The following PABPC4L variants were observed in gnomAD, a reference collection of about 807,000 sequenced individuals.
The protein encoded by PABPC4L is polyadenylate-binding protein 4-like.
For missense variants in PABPC4L, 452 were observed against 451.4 expected (o/e 1.00, Z -0.01); for synonymous variants, 169 against 164.1 (o/e 1.03, Z -0.23).
chr4:134,201,188 C>T lies in PABPC4L; in HGVS notation c.-169G>A, dbSNP rs1729869443. 2.6e-6 allele frequency: 4 copies of T among 1,547,226 alleles called. No homozygotes were observed. The highest frequency in any genetic ancestry group is 3.5e-6 in the Non-Finnish European group (4 of 1,145,394). On this transcript the variant is annotated 5_prime_UTR_variant, in exon 2 of 2. Coordinates refer to ENST00000421491, the MANE Select transcript of PABPC4L (RefSeq NM_001114734.2). ...ACGACTCCCCCAGCTCAGGCAACAC[C>T]CTCATCCAAAAGTCCCCACAGCCAC... is the stretch of plus-strand genomic sequence containing the variant.
Position 134,200,367 on chromosome 4 carries a change from CT to C in PABPC4L, c.652del (p.Ser218ValfsTer4). On this transcript the variant is annotated frameshift_variant, in exon 2 of 2. Coordinates refer to ENST00000421491, the MANE Select transcript of PABPC4L (RefSeq NM_001114734.2). LOFTEE classifies it low-confidence loss of function (END_TRUNC). Reference protein sequence around the residue: ...DVFSKYGKTLSVKVMTDSSGK... With the variant: ...DVFSKYGKTLXVKVMTDSSGK... Reference sequence around the variant, plus strand: ...ACTGGAATCTGTCATCACCTTAACACTCAGAGTTTTGCCATATTTGCTGAAA... The same window carrying C: ...ACTGGAATCTGTCATCACCTTAACACCAGAGTTTTGCCATATTTGCTGAAA... 1.3e-6 allele frequency: 2 copies of C among 1,587,670 alleles called. No homozygotes were observed. Among genetic ancestry groups the C allele is most frequent in the Non-Finnish European group, 1.7e-6 (2 of 1,165,456 alleles).
At chr4:134,128,697 G>A in the PABPC4L span, among the ~76,000 whole-genome samples, 1 of 151,806 alleles carries the variant, frequency 6.6e-6, no homozygotes, top group Non-Finnish European at 1.5e-5. Flanking sequence ...CAACAAACTA[G>A]AATCTTCTTA....
At chr4:134,078,252 A>G in the PABPC4L span, among the ~76,000 whole-genome samples, 2 of 152,192 alleles carry the variant, frequency 1.3e-5, 1 homozygote, top group African/African-American at 4.8e-5. Context: ...AAGGCATAAC[A>G]TATTCCCTGA....
chr4:133,998,540 T>A, the PABPC4L span, among the ~76,000 whole-genome samples: 1 of 152,020 alleles, frequency 6.6e-6, no homozygotes, highest in Non-Finnish European at 1.5e-5. Flanking sequence ...TCTTTCAAAA[T>A]CATCTTGAAT....
chr4:133,959,338 A>T, the PABPC4L span, among the ~76,000 whole-genome samples: 2 of 152,198 alleles, frequency 1.3e-5, no homozygotes, highest in Non-Finnish European at 2.9e-5. Context: ...GAACACTATG[A>T]GGTGTCTTTT....
At chr4:134,117,242 C>T in the PABPC4L span, among the ~76,000 whole-genome samples, 7 of 151,680 alleles carry the variant, frequency 4.6e-5, no homozygotes, top group Non-Finnish European at 8.8e-5. Flanking sequence ...GGCTGCTGAC[C>T]ATGGAGGAAG....
chr4:134,090,332 T>G, the PABPC4L span, among the ~76,000 whole-genome samples: 1 of 152,176 alleles, frequency 6.6e-6, no homozygotes, highest in East Asian at 1.9e-4. Flanking sequence ...TGTTATATAC[T>G]AATACTTTAA....
At chr4:134,098,531 T>C in the PABPC4L span, among the ~76,000 whole-genome samples, 1 of 151,750 alleles carries the variant, frequency 6.6e-6, no homozygotes, top group Non-Finnish European at 1.5e-5. Context: ...TTTCAACTTG[T>C]TATATTTGAG....
At chr4:134,037,756 T>C in the PABPC4L span, among the ~76,000 whole-genome samples, 2 of 152,182 alleles carry the variant, frequency 1.3e-5, no homozygotes, top group African/African-American at 2.4e-5. Context: ...TATACAATCA[T>C]GTCATCTGCA....
At chr4:134,141,303 G>T in the PABPC4L span, among the ~76,000 whole-genome samples, 2 of 150,934 alleles carry the variant, frequency 1.3e-5, no homozygotes, top group Non-Finnish European at 3.0e-5. Context: ...AGAAAAGAGA[G>T]AACTGGTAAG....
chr4:134,086,715 A>T, the PABPC4L span, among the ~76,000 whole-genome samples: 1 of 150,524 alleles, frequency 6.6e-6, no homozygotes, highest in East Asian at 2.0e-4. Context: ...GCAAAGCTTG[A>T]AAGTCTTTTT....
chr4:133,977,514 AT>A, the PABPC4L span, among the ~76,000 whole-genome samples: 76 of 152,134 alleles, frequency 5.0e-4, no homozygotes, highest in Middle Eastern at 3.4e-3. Context: ...CAGTATGGCC[AT>A]TTTTTTGATA....
the PABPC4L span, among the ~76,000 whole-genome samples, chr4:134,062,037 T>C: frequency 6.6e-6 from 1 of 151,922 alleles, no homozygotes. Context: ...ATACTAATCT[T>C]AAATCTAATG....
the PABPC4L span, among the ~76,000 whole-genome samples, chr4:134,005,941 A>C: frequency 6.6e-6 from 1 of 151,896 alleles, no homozygotes; most frequent in African/African-American, 2.4e-5. Context: ...TAGTGAGTTG[A>C]AACAGTCCAA....
chr4:134,158,379 T>C, the PABPC4L span, among the ~76,000 whole-genome samples: 1 of 152,056 alleles, frequency 6.6e-6, no homozygotes, highest in Non-Finnish European at 1.5e-5. Flanking sequence ...TTAAGCTCAA[T>C]TGTTTTTATA....
chr4:133,992,057 C>T, the PABPC4L span, among the ~76,000 whole-genome samples: 4 of 152,074 alleles, frequency 2.6e-5, no homozygotes, highest in East Asian at 1.9e-4. Context: ...TCCCAGGTGC[C>T]GTAAAGTGTT....
the PABPC4L span, among the ~76,000 whole-genome samples, chr4:134,179,485 T>C: frequency 6.6e-6 from 1 of 152,092 alleles, no homozygotes; most frequent in African/African-American, 2.4e-5. Context: ...CAAAGAAGTC[T>C]GCATAATATC....
At chr4:134,177,138 AC>A in the PABPC4L span, among the ~76,000 whole-genome samples, 2 of 147,042 alleles carry the variant, frequency 1.4e-5, no homozygotes, top group African/African-American at 5.0e-5. Flanking sequence ...TACATGGACA[AC>A]CCCTGCTAGA....
chr4:134,060,935 G>A, the PABPC4L span, among the ~76,000 whole-genome samples: 1 of 152,028 alleles, frequency 6.6e-6, no homozygotes, highest in Non-Finnish European at 1.5e-5. Flanking sequence ...AGGATAGTGT[G>A]GGAGTGAGGG....
Sources: allele counts gnomAD v4.1 joint callset (sites outside exome capture counted in the v4.1 genomes callset), GRCh38; gene constraint gnomAD v4.1.1; transcripts MANE v1.5; gene names NCBI Gene and HGNC (gene_info 2026-07-23, HGNC 2026-07-21).